Variants in CAMTA1 observed in about 807,000 individuals in gnomAD.
CAMTA1 encodes calmodulin binding transcription activator 1.
In CAMTA1, 27 loss-of-function variants were observed where a neutral mutation model predicts 170.9. The observed-to-expected ratio is 0.16, with a 90% CI of 0.12 to 0.22. The LOEUF (loss-of-function observed/expected upper bound fraction) is 0.22. CAMTA1 is among the 10% of genes least tolerant of loss of function. CAMTA1 has a pLI of 1.00. For synonymous variants in CAMTA1, 833 were observed against 891.5 expected, an observed-to-expected ratio of 0.93 and a Z score of 1.17; for missense variants, 1,619 against 2,217.2, an observed-to-expected ratio of 0.73 and a Z score of 5.42.
At chr1:7,658,475 A>G (rs950508891) in intron 7 of CAMTA1, among the ~76,000 whole-genome samples, 3 of 152,176 alleles carry the variant, frequency 2.0e-5, no homozygotes, top group Non-Finnish European at 4.4e-5. Flanking sequence ...GCCTGGGTAC[A>G]GCCAGAGTAG....
Position 6,971,500 on chromosome 1 carries a change from C to T in CAMTA1, c.235-119804C>T, listed in dbSNP as rs979035346. 2.6e-5 allele frequency among the ~76,000 whole-genome samples: 4 copies of T among 152,136 alleles called. No individual in the cohort carries two copies. Among genetic ancestry groups the T allele is most frequent in the Admixed American group, 6.5e-5 (1 of 15,278 alleles). On this transcript the variant is annotated intron_variant, in intron 3 of 22. Transcript: ENST00000303635. The surrounding 1 kb of genome is among the most constrained non-coding windows in gnomAD (Gnocchi z 4.6). Reference sequence around the variant, plus strand: ...TTTGGTTTTGTTTTTACCACCCCCACCCTCACTACTAATTTTACGTTGTCT... The same window carrying T: ...TTTGGTTTTGTTTTTACCACCCCCATCCTCACTACTAATTTTACGTTGTCT...
chr1:7,267,145 C>A (rs756017585), intron 5 of CAMTA1, among the ~76,000 whole-genome samples: 57 of 152,160 alleles, frequency 3.7e-4, no homozygotes, highest in Non-Finnish European at 6.5e-4. Flanking sequence ...CCAGAATGTT[C>A]TCCGAGGTTC....
At chr1:7,690,118 G>C (rs1369266798) in intron 11 of CAMTA1, among the ~76,000 whole-genome samples, 2 of 152,130 alleles carry the variant, frequency 1.3e-5, no homozygotes, top group African/African-American at 4.8e-5. Context: ...AGTCAAGATT[G>C]CGCCACTGCA....
chr1:6,897,707 A>G (rs1011093111), intron 3 of CAMTA1, among the ~76,000 whole-genome samples: 1 of 152,170 alleles, frequency 6.6e-6, no homozygotes, highest in Non-Finnish European at 1.5e-5. Flanking sequence ...TATGGTGGTG[A>G]TTATTTGTTT....
chr1:7,153,879 G>C (rs2148704775), intron 4 of CAMTA1, among the ~76,000 whole-genome samples: 1 of 152,366 alleles, frequency 6.6e-6, no homozygotes, highest in Admixed American at 6.5e-5. Flanking sequence ...CCCCTGAGAA[G>C]GCTGCATGGT....
At chr1:7,464,917 C>T (rs986471090) in intron 5 of CAMTA1, among the ~76,000 whole-genome samples, 5 of 152,122 alleles carry the variant, frequency 3.3e-5, no homozygotes, top group Admixed American at 6.5e-5. Context: ...CACCTCTCGC[C>T]GAGGCCCTCA....
At chr1:6,786,156 C>T (rs1045312133) in intron 1 of CAMTA1, among the ~76,000 whole-genome samples, 1 of 151,986 alleles carries the variant, frequency 6.6e-6, no homozygotes, top group African/African-American at 2.4e-5. Context: ...GGACACCTCC[C>T]TGAGCGGGCG....
intron 6 of CAMTA1, among the ~76,000 whole-genome samples, chr1:7,521,390 A>C (rs1053121454): frequency 6.6e-6 from 1 of 152,206 alleles, no homozygotes; most frequent in Admixed American, 6.5e-5. Flanking sequence ...AAATGTCGGC[A>C]TAAATATCAC....
chr1:7,636,534 T>C (rs1000171014), intron 6 of CAMTA1, among the ~76,000 whole-genome samples: 2 of 152,066 alleles, frequency 1.3e-5, no homozygotes, highest in African/African-American at 4.8e-5. Context: ...CTGGCCAACG[T>C]GGTGAAACCC....
intron 5 of CAMTA1, among the ~76,000 whole-genome samples, chr1:7,450,047 C>T (rs1229128543): frequency 1.3e-5 from 2 of 152,114 alleles, no homozygotes; most frequent in Non-Finnish European, 2.9e-5. Flanking sequence ...AGAGATGAGG[C>T]CCAGGATGAA....
intron 3 of CAMTA1, among the ~76,000 whole-genome samples, chr1:6,908,846 C>T (rs1445884492): frequency 6.6e-6 from 1 of 152,214 alleles, no homozygotes; most frequent in Non-Finnish European, 1.5e-5. Context: ...AGTTCTCCAC[C>T]AGGAGTTGTT....
At chr1:7,745,088 C>G in intron 17 of CAMTA1, 66 bp downstream of exon 17, 1 of 1,437,470 alleles carries the variant, frequency 7.0e-7, no homozygotes, top group South Asian at 1.3e-5. Flanking sequence ...GCAGGGGAGG[C>G]TGATTGTATT....
At chr1:7,405,043 G>T (rs756796644) in intron 5 of CAMTA1, among the ~76,000 whole-genome samples, 5 of 151,966 alleles carry the variant, frequency 3.3e-5, no homozygotes, top group Non-Finnish European at 7.4e-5. Context: ...GCTACCGATT[G>T]TGCCTGGTAC....
chr1:7,440,907 A>G (rs11800126), intron 5 of CAMTA1, among the ~76,000 whole-genome samples: 13,360 of 152,254 alleles, frequency 0.088, 1,698 homozygotes, highest in African/African-American at 0.28. Context: ...CTCAGTGCCC[A>G]TTCAGTAACT....
intron 3 of CAMTA1, among the ~76,000 whole-genome samples, chr1:6,905,806 T>C (rs1305677232): frequency 1.3e-5 from 2 of 152,206 alleles, no homozygotes; most frequent in Admixed American, 1.3e-4. Context: ...TTGCGTGTTC[T>C]GGGGCCAGAT....
chr1:7,468,896 G>C (rs2093273847), intron 6 of CAMTA1, among the ~76,000 whole-genome samples: 1 of 152,210 alleles, frequency 6.6e-6, no homozygotes, highest in East Asian at 1.9e-4. Context: ...AGCTCAGGGA[G>C]AAAAGAGTCA....
At chr1:7,213,153 A>G (rs780031191) in intron 4 of CAMTA1, among the ~76,000 whole-genome samples, 6 of 152,236 alleles carry the variant, frequency 3.9e-5, no homozygotes, top group Non-Finnish European at 7.3e-5. Flanking sequence ...GGGTTGTATG[A>G]TAACTACATA....
intron 5 of CAMTA1, among the ~76,000 whole-genome samples, chr1:7,268,306 G>T (rs774332490): frequency 6.6e-6 from 1 of 152,164 alleles, no homozygotes; most frequent in South Asian, 2.1e-4. Flanking sequence ...AATCTGGATA[G>T]AAGATGTCCT....
chr1:7,190,635 A>G (rs1179779950), intron 4 of CAMTA1, among the ~76,000 whole-genome samples: 1 of 152,210 alleles, frequency 6.6e-6, no homozygotes, highest in Non-Finnish European at 1.5e-5. Flanking sequence ...CTTTTTTAAC[A>G]AGAAGTATAT....
Sources: gnomAD v4.1 joint callset for allele counts (sites outside exome capture counted in the v4.1 genomes callset) on GRCh38, gnomAD v4.1.1 for gene constraint, Gnocchi (gnomAD v3.1) non-coding constraint, MANE v1.5 for transcripts, NCBI Gene and HGNC (gene_info 2026-07-23, HGNC 2026-07-21) for gene names.